The following TTLL11 variants were observed in gnomAD, a reference collection of about 807,000 sequenced individuals.
The protein encoded by TTLL11 is tubulin polyglutamylase TTLL11.
TTLL11 carries 42 observed loss-of-function variants against 51.7 expected under a neutral mutation model. That is an observed-to-expected ratio of 0.81 (90% CI 0.64 to 1.05). TTLL11 has a LOEUF of 1.05. Among genes scored for constraint, TTLL11 ranks in the 50% least tolerant of loss-of-function variants. TTLL11 has a pLI of 0.00. For missense variants in TTLL11, 799 were observed against 940.4 expected (o/e 0.85, Z 1.97); for synonymous variants, 381 against 383.5 (o/e 0.99, Z 0.08).
chr9:121,904,410 C>T (rs1222614221), intron 6 of TTLL11, among the ~76,000 whole-genome samples: 2 of 152,104 alleles, frequency 1.3e-5, no homozygotes, highest in African/African-American at 2.4e-5. Flanking sequence ...CTCTTGACCT[C>T]GTGATCTGCC....
intron 6 of TTLL11, among the ~76,000 whole-genome samples, chr9:121,886,285 C>T (rs1458411169): frequency 6.6e-6 from 1 of 152,000 alleles, no homozygotes; most frequent in South Asian, 2.1e-4. Flanking sequence ...CAAGTCCTAA[C>T]CCCTGAAACC....
chr9:121,910,178 A>G (rs1448543113), intron 6 of TTLL11, among the ~76,000 whole-genome samples: 3 of 152,240 alleles, frequency 2.0e-5, no homozygotes, highest in Non-Finnish European at 4.4e-5. Flanking sequence ...CTTTGCAGAC[A>G]CAAGGGAGAA....
intron 6 of TTLL11, among the ~76,000 whole-genome samples, chr9:121,898,523 G>T (rs1176316723): frequency 6.6e-6 from 1 of 152,276 alleles, no homozygotes; most frequent in Non-Finnish European, 1.5e-5. Flanking sequence ...GGCAGGGCCA[G>T]GCCTGGAAGG....
intron 1 of TTLL11, among the ~76,000 whole-genome samples, chr9:122,051,361 C>T (rs1447489118): frequency 6.6e-6 from 1 of 152,208 alleles, no homozygotes; most frequent in South Asian, 2.1e-4. Flanking sequence ...GTGACAAACA[C>T]TTCAAAGAAG....
rs537235539 is a variant in TTLL11 at position 121,857,352 on chromosome 9, G to C, written c.1840+2985C>G. ...AGCACTGCTTGGTGTAGCCCTGGAT[G>C]GGGGGAGAGCACCCTGGGTGAGGAG... On this transcript the variant is annotated intron_variant, in intron 8 of 8. Coordinates refer to ENST00000321582, the MANE Select transcript of TTLL11 (RefSeq NM_001139442.2). 1.4e-4 allele frequency among the ~76,000 whole-genome samples: 21 copies of C among 152,304 alleles called. No homozygotes were observed. In the South Asian group the frequency reaches 3.7e-3, roughly 27 times the overall value.
Position 121,860,342 on chromosome 9 carries a change from T to C in TTLL11, c.1835A>G (p.Asp612Gly). 1 of 1,550,864 alleles carries C rather than the reference T, an allele frequency of 6.4e-7. No homozygotes were observed. Among genetic ancestry groups the C allele is most frequent in the South Asian group, 1.2e-5 (1 of 83,850 alleles). ...CAGAGGCATTTGTCAAATACCTGAG[T>C]CCCGCTGGTCCAGGGTCATGGAGTT... The part of the protein sequence containing the change: ...RWNSMTLDQR[D>G]SGMCLQAFVE... Residue 612 changes from aspartate to glycine, a missense_variant, in exon 8 of 9, where the codon GAC (aspartate) becomes GGC (glycine). Around this residue, in one of 3 missense-constraint regions of TTLL11, gnomAD observed 165 missense variants for 166.1 expected, o/e 0.99. Transcript: ENST00000321582.
intron 6 of TTLL11, among the ~76,000 whole-genome samples, chr9:121,959,990 C>T (rs1842165789): frequency 6.6e-6 from 1 of 152,018 alleles, no homozygotes; most frequent in South Asian, 2.1e-4. Context: ...AAAACCTATA[C>T]AGCCACCACC....
Position 121,873,668 on chromosome 9 carries a change from CTTTTTT to C in TTLL11, c.1482-2926_1482-2921del, listed in dbSNP as rs1473778940. 2.0e-4 allele frequency among the ~76,000 whole-genome samples: 29 copies of C among 147,118 alleles called. 1 individual carries two copies. The highest frequency in any genetic ancestry group is 1.9e-3 in the Admixed American group (29 of 14,882). ...TCTTCTTCTTCTTCTTCTTCTTCTT[CTTTTTT>C]AAGAGATAGGGGCTCACTTTGTCAC... On this transcript the variant is annotated intron_variant, in intron 6 of 8. Transcript: ENST00000321582.
intron 4 of TTLL11, among the ~76,000 whole-genome samples, chr9:121,983,491 G>T (rs904211473): frequency 5.3e-5 from 8 of 152,254 alleles, no homozygotes; most frequent in African/African-American, 1.4e-4. Context: ...TGAATAGGGG[G>T]ACACCTTTCC....
At chr9:122,089,170 T>C (rs901929124) in intron 1 of TTLL11, among the ~76,000 whole-genome samples, 2 of 152,112 alleles carry the variant, frequency 1.3e-5, no homozygotes, top group African/African-American at 4.8e-5. Flanking sequence ...GAGACACAGC[T>C]CTCACTCTGG....
rs74328626 is a variant in TTLL11 at position 122,008,540 on chromosome 9, A to T, written c.694-18770T>A. Among the ~76,000 whole-genome samples, 973 of 152,374 alleles carry T rather than the reference A, an allele frequency of 6.4e-3. 10 individuals carry two copies. Among genetic ancestry groups the T allele is most frequent in the African/African-American group, 0.023 (946 of 41,588 alleles). ...AACCCAATGAGCTGTCACCTGTTAGAACAGCTATTATCAAAAAGACATGAT... is the reference window on the plus strand; with the variant it reads ...AACCCAATGAGCTGTCACCTGTTAGTACAGCTATTATCAAAAAGACATGAT... On this transcript the variant is annotated intron_variant, in intron 3 of 8. Coordinates refer to ENST00000321582, the MANE Select transcript of TTLL11 (RefSeq NM_001139442.2).
chr9:122,092,554 A>G, intron 1 of TTLL11, 133 bp downstream of exon 1: 1 of 1,444,368 alleles, frequency 6.9e-7, no homozygotes, highest in Non-Finnish European at 9.1e-7. Context: ...TGCGGCTGAC[A>G]AGCAGGCCCG....
intron 1 of TTLL11, among the ~76,000 whole-genome samples, chr9:122,065,738 G>T (rs1440698375): frequency 1.3e-5 from 2 of 152,130 alleles, no homozygotes; most frequent in Non-Finnish European, 2.9e-5. Flanking sequence ...TACCTCCATC[G>T]TAGACTTATT....
intron 3 of TTLL11, among the ~76,000 whole-genome samples, chr9:121,996,107 G>A (rs1264836680): frequency 6.6e-6 from 1 of 152,140 alleles, no homozygotes; most frequent in Non-Finnish European, 1.5e-5. Context: ...CTGAGGATTT[G>A]GGGCTGACCC....
In TTLL11 at chr9:121,860,375, C is replaced by T. The variant is rs1373480337; in HGVS notation, c.1802G>A (p.Arg601Gln). 12 of 1,551,402 alleles carry T rather than the reference C, an allele frequency of 7.7e-6. No homozygotes were observed. The highest frequency in any genetic ancestry group is 7.3e-5 in the East Asian group (3 of 40,930). ...GTCCAGGGTCATGGAGTTCCACCTC[C>T]GTGTGATGTCAATGTAGAGGATGTC... Reference protein sequence around the residue: ...AVDILYIDITRRWNSMTLDQR... With the variant: ...AVDILYIDITQRWNSMTLDQR... The change falls in exon 8 of 9, where the codon CGG (arginine) becomes CAG (glutamine). Residue 601 changes from arginine to glutamine, a missense_variant. Coordinates refer to ENST00000321582, the MANE Select transcript of TTLL11 (RefSeq NM_001139442.2).
At chr9:122,081,882 A>T (rs1380805903) in intron 1 of TTLL11, among the ~76,000 whole-genome samples, 1 of 152,260 alleles carries the variant, frequency 6.6e-6, no homozygotes, top group Non-Finnish European at 1.5e-5. Flanking sequence ...TAAACAAAAC[A>T]ATCCAAAAGA....
intron 1 of TTLL11, among the ~76,000 whole-genome samples, chr9:122,069,302 G>T (rs1845670587): frequency 2.0e-5 from 3 of 152,178 alleles, no homozygotes; most frequent in Non-Finnish European, 4.4e-5. Context: ...CTCAGGCTAG[G>T]TCAGAGACAT....
At chr9:121,951,370 C>A (rs1841847672) in intron 6 of TTLL11, among the ~76,000 whole-genome samples, 1 of 152,016 alleles carries the variant, frequency 6.6e-6, no homozygotes, top group African/African-American at 2.4e-5. Context: ...TTTAAATAAG[C>A]CTAAAGAGAG....
intron 3 of TTLL11, among the ~76,000 whole-genome samples, chr9:122,026,803 T>C (rs1844357161): frequency 6.6e-6 from 1 of 151,938 alleles, no homozygotes. Context: ...TAAGACATCT[T>C]GACATCATGT....
Sources: gnomAD v4.1 joint callset for allele counts (sites outside exome capture counted in the v4.1 genomes callset) on GRCh38, gnomAD v4.1.1 for gene constraint, gnomAD v4.1.1 regional missense constraint, MANE v1.5 for transcripts, NCBI Gene and HGNC (gene_info 2026-07-23, HGNC 2026-07-21) for gene names.